Variants in CCDC171 observed in about 807,000 individuals in gnomAD.
The protein encoded by CCDC171 is coiled-coil domain containing 171.
Under a neutral mutation model 168.2 loss-of-function variants are expected in CCDC171, and 177 were observed. The observed-to-expected ratio is 1.05, with a 90% CI of 0.93 to 1.19. CCDC171 has a LOEUF of 1.19. Among genes scored for constraint, CCDC171 ranks in the 50% most tolerant of loss-of-function variants. The pLI, the probability that CCDC171 is intolerant of heterozygous loss-of-function variation, is 0.00. For missense variants in CCDC171, 1,991 were observed against 1,539.0 expected (o/e 1.29, Z -4.91); for synonymous variants, 687 against 540.8 (o/e 1.27, Z -3.75).
Position 15,723,762 on chromosome 9 carries a change from A to ATAC in CCDC171, c.1491+16_1491+17insTAC. The ATAC allele has an allele frequency of 1.6e-6, 2 of 1,254,086 alleles. No homozygotes were observed. The highest frequency in any genetic ancestry group is 2.3e-6 in the Non-Finnish European group (2 of 879,942). The allele number at this position is 1,254,086 out of a possible 1,614,324, so 77.7% of individuals were successfully genotyped here. On this transcript the variant is annotated intron_variant, in intron 13 of 25. Coordinates refer to ENST00000380701, the MANE Select transcript of CCDC171 (RefSeq NM_173550.4). ...AAATATAAAGGTATTATTTAGAATA[A>ATAC]CTTTTACCTTTTGTATTAAGAAACA...
chr9:15,809,297 A>C (rs2059222503), intron 21 of CCDC171, among the ~76,000 whole-genome samples: 3 of 152,226 alleles, frequency 2.0e-5, no homozygotes, highest in African/African-American at 4.8e-5. Flanking sequence ...GCACTGTCCA[A>C]TATGGTAACC....
intron 6 of CCDC171, among the ~76,000 whole-genome samples, chr9:15,606,227 G>A (rs2043217688): frequency 6.6e-6 from 1 of 152,124 alleles, no homozygotes; most frequent in Non-Finnish European, 1.5e-5. Context: ...GCAGATAAGA[G>A]GGAATATTGT....
intron 25 of CCDC171, among the ~76,000 whole-genome samples, chr9:15,935,166 G>T (rs1183412470): frequency 1.3e-5 from 2 of 152,060 alleles, no homozygotes; most frequent in Non-Finnish European, 2.9e-5. Context: ...TAAATTTTGT[G>T]TGTATTTTAT....
intron 11 of CCDC171, among the ~76,000 whole-genome samples, chr9:15,708,846 A>C (rs1161668440): frequency 4.6e-5 from 7 of 152,204 alleles, no homozygotes; most frequent in Non-Finnish European, 1.0e-4. Flanking sequence ...ATGTAGCTTC[A>C]GATATTGATC....
intron 21 of CCDC171, among the ~76,000 whole-genome samples, 154 bp downstream of exon 21, chr9:15,784,848 A>C (rs1458220885): frequency 6.6e-6 from 1 of 152,178 alleles, no homozygotes; most frequent in Non-Finnish European, 1.5e-5. Context: ...GACCTCAGTT[A>C]TAAGCCTGCA....
chr9:15,566,668 T>G (rs183098452), intron 2 of CCDC171, among the ~76,000 whole-genome samples: 2 of 152,352 alleles, frequency 1.3e-5, no homozygotes, highest in African/African-American at 4.8e-5. Context: ...GCACAAGTTT[T>G]TAACTTTGAT....
intron 23 of CCDC171, among the ~76,000 whole-genome samples, chr9:15,870,412 C>T (rs1317954277): frequency 6.6e-6 from 1 of 151,704 alleles, no homozygotes; most frequent in Non-Finnish European, 1.5e-5. Context: ...GGATCTATAT[C>T]TGGTAAAAAG....
chr9:15,904,788 A>G (rs1822275008), intron 24 of CCDC171, among the ~76,000 whole-genome samples: 1 of 151,974 alleles, frequency 6.6e-6, no homozygotes, highest in South Asian at 2.1e-4. Context: ...TCTCACGTGC[A>G]GAGACACACA....
At chr9:15,645,715 C>T (rs12340969) in intron 7 of CCDC171, among the ~76,000 whole-genome samples, 71,442 of 151,912 alleles carry the variant, frequency 0.47, 17,272 homozygotes, top group East Asian at 0.76. Flanking sequence ...TAAAAAGAAA[C>T]GAACGGAACG....
intron 24 of CCDC171, among the ~76,000 whole-genome samples, chr9:15,908,604 A>G (rs1823109674): frequency 6.6e-6 from 1 of 152,208 alleles, no homozygotes; most frequent in South Asian, 2.1e-4. Flanking sequence ...ATGTATACAT[A>G]TGAACTAACC....
intron 25 of CCDC171, among the ~76,000 whole-genome samples, chr9:15,920,881 A>G (rs942915967): frequency 1.3e-5 from 2 of 151,672 alleles, no homozygotes; most frequent in Non-Finnish European, 3.0e-5. Flanking sequence ...TGATTCATCT[A>G]TATGATTAAA....
At chr9:15,846,189 G>T (rs1245451053) in intron 21 of CCDC171, among the ~76,000 whole-genome samples, 1 of 151,964 alleles carries the variant, frequency 6.6e-6, no homozygotes, top group African/African-American at 2.4e-5. Flanking sequence ...AATGTCTATA[G>T]CCACCTAACT....
chr9:15,664,487 G>T (rs1477957531), intron 8 of CCDC171, among the ~76,000 whole-genome samples: 1 of 151,420 alleles, frequency 6.6e-6, no homozygotes, highest in Admixed American at 6.6e-5. Context: ...GAGCTCAAAT[G>T]ATCTGCTCAC....
chr9:16,015,486 C>G (rs578036654), intron 3 of CCDC171, among the ~76,000 whole-genome samples: 1 of 152,112 alleles, frequency 6.6e-6, no homozygotes, highest in Non-Finnish European at 1.5e-5. Context: ...GTCATGCGTC[C>G]AGTATCTTTC....
At chr9:16,087,424 G>T in the CCDC171 span, among the ~76,000 whole-genome samples, 5 of 152,108 alleles carry the variant, frequency 3.3e-5, no homozygotes, top group Non-Finnish European at 1.5e-5. Context: ...TGTATTGGCT[G>T]CAAATATATT....
At chr9:16,028,908 C>G (rs1015590684) in intron 6 of CCDC171, among the ~76,000 whole-genome samples, 2 of 152,134 alleles carry the variant, frequency 1.3e-5, no homozygotes, top group African/African-American at 4.8e-5. Context: ...TCCTTCCTTC[C>G]TTTTCATGGA....
chr9:15,876,764 T>G (rs1415607929), intron 24 of CCDC171, among the ~76,000 whole-genome samples: 1 of 152,024 alleles, frequency 6.6e-6, no homozygotes, highest in Non-Finnish European at 1.5e-5. Flanking sequence ...TATAAAAATA[T>G]GTGCATTTAT....
At chr9:15,751,436 A>T (rs572766103) in intron 18 of CCDC171, among the ~76,000 whole-genome samples, 1 of 152,344 alleles carries the variant, frequency 6.6e-6, no homozygotes, top group South Asian at 2.1e-4. Flanking sequence ...TTTAAATTTC[A>T]TACGGAACCA....
intron 14 of CCDC171, among the ~76,000 whole-genome samples, chr9:15,725,564 C>T (rs2053748611): frequency 6.6e-6 from 1 of 152,090 alleles, no homozygotes; most frequent in Non-Finnish European, 1.5e-5. Flanking sequence ...ATTCTCCTGC[C>T]CCAGCCTCCT....
Sources: allele counts gnomAD v4.1 joint callset (sites outside exome capture counted in the v4.1 genomes callset), GRCh38; gene constraint gnomAD v4.1.1; transcripts MANE v1.5; gene names NCBI Gene and HGNC (gene_info 2026-07-23, HGNC 2026-07-21).